NFIB: variants seen among roughly 807,000 people sequenced by gnomAD.
NFIB encodes the protein nuclear factor 1 B-type.
A neutral mutation model predicts 61.5 loss-of-function variants in NFIB; 11 were observed. The observed-to-expected ratio is 0.18, with a 90% CI of 0.11 to 0.30. The LOEUF is 0.30. NFIB is among the 10% of genes least tolerant of loss of function. The pLI is 1.00. For synonymous variants in NFIB, 260 were observed against 216.5 expected, an observed-to-expected ratio of 1.20 and a Z score of -1.76; for missense variants, 471 against 608.9, an observed-to-expected ratio of 0.77 and a Z score of 2.38.
intron 1 of NFIB, among the ~76,000 whole-genome samples, chr9:14,384,486 T>C (rs920810963): frequency 6.6e-6 from 1 of 152,290 alleles, no homozygotes; most frequent in East Asian, 1.9e-4. Context: ...TGTTTTAAAT[T>C]GCTTTTATTT....
intron 1 of NFIB, among the ~76,000 whole-genome samples, chr9:14,346,293 C>G (rs944579993): frequency 2.2e-5 from 3 of 136,492 alleles, no homozygotes; most frequent in South Asian, 2.8e-4. Flanking sequence ...AACCGACACC[C>G]CCCCCCCGTA....
At chr9:14,184,728 A>T (rs1478969186) in intron 2 of NFIB, among the ~76,000 whole-genome samples, 2 of 152,202 alleles carry the variant, frequency 1.3e-5, no homozygotes, top group Non-Finnish European at 2.9e-5. Context: ...AACATCATTT[A>T]AATGTAAATC....
chr9:14,522,521 T>C, the NFIB span, among the ~76,000 whole-genome samples: 1 of 152,208 alleles, frequency 6.6e-6, no homozygotes, highest in East Asian at 1.9e-4. Context: ...TTGTATCACA[T>C]AGGATTCCAC....
intron 2 of NFIB, among the ~76,000 whole-genome samples, chr9:14,194,589 T>A (rs1587493722): frequency 6.6e-6 from 1 of 152,178 alleles, no homozygotes; most frequent in East Asian, 1.9e-4. Flanking sequence ...GAAATAAAAA[T>A]TATCCCAGTT....
intron 2 of NFIB, among the ~76,000 whole-genome samples, chr9:14,247,853 T>C (rs76360032): frequency 0.02 from 2,999 of 152,264 alleles, 99 homozygotes; most frequent in African/African-American, 0.066. Flanking sequence ...GTGTTCTTAT[T>C]ATTTTTTAAA....
chr9:14,352,381 C>A (rs1402314632), intron 1 of NFIB, among the ~76,000 whole-genome samples: 1 of 151,644 alleles, frequency 6.6e-6, no homozygotes, highest in Non-Finnish European at 1.5e-5. Flanking sequence ...GGGCTCAGCA[C>A]TTCCCGGTAC....
rs970136927 is a variant in NFIB at position 14,082,712 on chromosome 9, T to C, written c.*5597A>G. On this transcript the variant is annotated 3_prime_UTR_variant, in exon 11 of 11. Coordinates refer to ENST00000380953, the MANE Select transcript of NFIB (RefSeq NM_001190737.2). The stretch of plus-strand genomic sequence containing the variant: ...TTCTTTCTTGTTTTGCATCAACTTT[T>C]ATCAGTCCATGCAACTTCAATGCCC... 33 of 196,140 alleles carry C rather than the reference T, an allele frequency of 1.7e-4. No homozygotes were observed. Among genetic ancestry groups the C allele is most frequent in the Non-Finnish European group, 1.5e-4 (14 of 95,252 alleles). The allele number at this position is 196,140 out of a possible 1,614,324, so 12.1% of individuals were successfully genotyped here.
intron 10 of NFIB, among the ~76,000 whole-genome samples, chr9:14,109,605 G>C (rs75573590): frequency 6.6e-6 from 1 of 151,948 alleles, no homozygotes; most frequent in African/African-American, 2.4e-5. Flanking sequence ...TGCCAATAGC[G>C]AATGCAATAA....
chr9:14,456,580 GA>G, the NFIB span, among the ~76,000 whole-genome samples: 1 of 152,144 alleles, frequency 6.6e-6, no homozygotes, highest in Non-Finnish European at 1.5e-5. Flanking sequence ...TTATTCATAT[GA>G]AAGGATGCTC....
At chr9:14,379,004 G>A (rs1194835802) in intron 1 of NFIB, among the ~76,000 whole-genome samples, 1 of 152,108 alleles carries the variant, frequency 6.6e-6, no homozygotes, top group Non-Finnish European at 1.5e-5. Flanking sequence ...ATGATAGAGA[G>A]GCACGCATTG....
intron 2 of NFIB, among the ~76,000 whole-genome samples, chr9:14,247,888 T>C (rs984971686): frequency 1.3e-5 from 2 of 152,106 alleles, no homozygotes; most frequent in African/African-American, 2.4e-5. Context: ...TCTGCCCTGT[T>C]TGTTTAGGTG....
chr9:14,528,031 C>G, the NFIB span, among the ~76,000 whole-genome samples: 8 of 151,838 alleles, frequency 5.3e-5, no homozygotes, highest in Non-Finnish European at 1.2e-4. Context: ...AAATACAGAC[C>G]GTAACATATA....
the NFIB span, among the ~76,000 whole-genome samples, chr9:14,473,515 A>G: frequency 1.3e-5 from 2 of 152,170 alleles, no homozygotes; most frequent in African/African-American, 4.8e-5. Flanking sequence ...TTTCTCACGA[A>G]TGGACATTTC....
At chr9:14,148,886 A>G (rs1238890361) in intron 5 of NFIB, among the ~76,000 whole-genome samples, 1 of 152,218 alleles carries the variant, frequency 6.6e-6, no homozygotes, top group Non-Finnish European at 1.5e-5. Context: ...TCTTTTAAAC[A>G]TATTCTCTCA....
In NFIB at chr9:14,206,525, C is replaced by G. The variant is rs777163627; in HGVS notation, c.563-26745G>C. ...CTTTCCTTTCATGAGATTTTATGGTCTGACACTGCTGACTTATTACCTTTT... is the reference window on the plus strand; with the variant it reads ...CTTTCCTTTCATGAGATTTTATGGTGTGACACTGCTGACTTATTACCTTTT... On this transcript the variant is annotated intron_variant, in intron 2 of 10. Transcript: ENST00000380953. Among the ~76,000 whole-genome samples, 123 of 151,796 alleles carry G rather than the reference C, an allele frequency of 8.1e-4. 1 individual carries two copies. The highest frequency in any genetic ancestry group is 4.1e-4 in the Non-Finnish European group (28 of 67,944).
chr9:14,481,420 A>T, the NFIB span, among the ~76,000 whole-genome samples: 1 of 150,970 alleles, frequency 6.6e-6, no homozygotes, highest in Non-Finnish European at 1.5e-5. Flanking sequence ...TATCTCCCAA[A>T]AAAACCTCTT....
chr9:14,107,030 T>C (rs906171189), intron 10 of NFIB, among the ~76,000 whole-genome samples: 4 of 152,046 alleles, frequency 2.6e-5, no homozygotes, highest in Non-Finnish European at 5.9e-5. Flanking sequence ...AAAGGTATGT[T>C]TTATGTTTTC....
intron 1 of NFIB, among the ~76,000 whole-genome samples, chr9:14,376,484 A>G (rs997464164): frequency 6.6e-6 from 1 of 150,632 alleles, no homozygotes; most frequent in African/African-American, 2.5e-5. Context: ...ACTGCTTAAC[A>G]TTCCACTGGT....
chr9:14,273,433 C>A (rs552331796), intron 2 of NFIB, among the ~76,000 whole-genome samples: 1 of 152,098 alleles, frequency 6.6e-6, no homozygotes, highest in Non-Finnish European at 1.5e-5. Flanking sequence ...TATTAAATTT[C>A]TTTACCATGA....
Sources: allele counts gnomAD v4.1 joint callset (sites outside exome capture counted in the v4.1 genomes callset), GRCh38; gene constraint gnomAD v4.1.1; transcripts MANE v1.5; gene names NCBI Gene and HGNC (gene_info 2026-07-23, HGNC 2026-07-21).